ALG13: variants seen among roughly 807,000 people sequenced by gnomAD.
ALG13 encodes the protein ALG13 UDP-N-acetylglucosaminyltransferase subunit.
A neutral mutation model predicts 87.8 loss-of-function variants in ALG13; 11 were observed. The ratio of observed to expected loss-of-function variants is 0.13; its 90% CI spans 0.08 to 0.21. ALG13 has a LOEUF of 0.21. Ranked by LOEUF, ALG13 falls within the 10% of genes least tolerant of loss-of-function variation. ALG13 has a pLI of 1.00. For missense variants in ALG13, 756 were observed against 866.1 expected, an observed-to-expected ratio of 0.87 and a Z score of 1.60; for synonymous variants, 320 against 306.3, an observed-to-expected ratio of 1.04 and a Z score of -0.47.
intron 3 of ALG13, among the ~76,000 whole-genome samples, chrX:111,693,487 C>G (rs1290270303): frequency 9.1e-6 from 1 of 110,473 alleles, no homozygotes; most frequent in African/African-American, 3.3e-5. Flanking sequence ...CTCAAGCGAT[C>G]CACCCACCTC....
intron 23 of ALG13, 28 bp downstream of exon 23, chrX:111,736,907 G>C (rs1323578228): frequency 1.7e-6 from 2 of 1,162,392 alleles, no homozygotes; most frequent in East Asian, 3.1e-5. Context: ...GCTTACTTTG[G>C]AAGCCTCTTT....
chrX:111,708,528 G>A (rs1393384832), intron 4 of ALG13, 135 bp downstream of exon 4: 14 of 760,134 alleles, frequency 1.8e-5, no homozygotes, highest in South Asian at 5.5e-5. Flanking sequence ...AGGTCCTAGA[G>A]AGAAGCTGCC....
intron 6 of ALG13, 36 bp from the exon 7 acceptor site, chrX:111,712,448 A>C: frequency 9.5e-7 from 1 of 1,050,482 alleles, no homozygotes; most frequent in Non-Finnish European, 1.3e-6. Flanking sequence ...TAGCTACAGA[A>C]TGTTTTTTAA....
At chrX:111,681,971 G>T in intron 1 of ALG13, 161 bp from the exon 2 acceptor site, 1 of 864,110 alleles carries the variant, frequency 1.2e-6, no homozygotes, top group South Asian at 4.4e-5. Flanking sequence ...TCGGGCCCCG[G>T]ACCAGAAAAT....
chrX:111,757,932 G>C (rs903719547), intron 26 of ALG13, among the ~76,000 whole-genome samples, 170 bp downstream of exon 26: 3 of 111,603 alleles, frequency 2.7e-5, no homozygotes, highest in Non-Finnish European at 5.6e-5. Flanking sequence ...GATTCATGAG[G>C]TCAGAAGTGT....
Position 111,715,784 on chromosome X carries a change from A to G in ALG13, c.1006-2062A>G, listed in dbSNP as rs550085132. 5.3e-5 allele frequency among the ~76,000 whole-genome samples: 6 copies of G among 112,535 alleles called. No individual in the cohort carries two copies. In the South Asian group the frequency reaches 2.2e-3, roughly 41 times the overall value. ...CATTATTAATGAGCCTTCTAAAAAT[A>G]TTTTAGAACAAACTTTCATAGAAAT... On this transcript the variant is annotated intron_variant, in intron 8 of 26. Transcript: ENST00000394780.
At chrX:111,757,844 A>C in intron 26 of ALG13, 82 bp downstream of exon 26, 13 of 939,183 alleles carry the variant, frequency 1.4e-5, no homozygotes, top group Non-Finnish European at 1.9e-5. Context: ...CATATATTTC[A>C]TCAGGTCCAT....
intron 24 of ALG13, among the ~76,000 whole-genome samples, chrX:111,745,438 G>A (rs1944149102): frequency 9.0e-6 from 1 of 110,615 alleles, no homozygotes; most frequent in African/African-American, 3.3e-5. Context: ...ACTCAGTTTG[G>A]CATATTTCTC....
intron 24 of ALG13, among the ~76,000 whole-genome samples, chrX:111,749,032 G>C (rs761142159): frequency 1.8e-5 from 2 of 110,842 alleles, no homozygotes; most frequent in East Asian, 2.8e-4. Context: ...GTACTGAGCC[G>C]AGATCATGCC....
chrX:111,745,193 T>G (rs1256634782), intron 24 of ALG13, among the ~76,000 whole-genome samples: 1 of 111,725 alleles, frequency 9.0e-6, no homozygotes, highest in Non-Finnish European at 1.9e-5. Flanking sequence ...CAAATGAATA[T>G]CTTTGCTTTT....
At chrX:111,711,319 G>A (rs1227807288) in intron 5 of ALG13, among the ~76,000 whole-genome samples, 1 of 112,047 alleles carries the variant, frequency 8.9e-6, no homozygotes, top group Non-Finnish European at 1.9e-5. Context: ...GTTTAATTTT[G>A]TAAATGCATG....
Position 111,736,231 on chromosome X carries a change from A to C in ALG13, c.2530-483A>C, listed in dbSNP as rs756228519. 1.1e-3 allele frequency among the ~76,000 whole-genome samples: 120 copies of C among 111,738 alleles called. 1 individual carries two copies. The South Asian group carries it at 0.018, about 16-fold the overall frequency. On this transcript the variant is annotated intron_variant, in intron 22 of 26. Transcript: ENST00000394780. ...AGGTGGGAGAATCACTTGAGCCTGGAAAGTTGAGGCTACAGTGAATGAAAT... is the reference window on the plus strand; with the variant it reads ...AGGTGGGAGAATCACTTGAGCCTGGCAAGTTGAGGCTACAGTGAATGAAAT...
At chrX:111,710,936 A>G (rs1939674187) in intron 5 of ALG13, 1 of 111,930 alleles carries the variant, frequency 8.9e-6, no homozygotes, top group Non-Finnish European at 1.9e-5. Flanking sequence ...TGACCTCATG[A>G]TCTGCCTGCC....
chrX:111,692,230 A>G (rs1936269204), intron 3 of ALG13, among the ~76,000 whole-genome samples: 1 of 111,924 alleles, frequency 8.9e-6, no homozygotes, highest in Non-Finnish European at 1.9e-5. Flanking sequence ...CCAAGCACTC[A>G]CAGCTTTATT....
At chrX:111,686,221 T>C in intron 3 of ALG13, 1 of 897,187 alleles carries the variant, frequency 1.1e-6, no homozygotes. Flanking sequence ...CCTAGTTTGA[T>C]GTTGCAAGAA....
chrX:111,711,140 A>C (rs948113282), intron 5 of ALG13: 1 of 112,703 alleles, frequency 8.9e-6, no homozygotes, highest in Non-Finnish European at 1.9e-5. Flanking sequence ...CATATTTTAC[A>C]TTCAATAAAA....
In ALG13 at chrX:111,681,316, A is replaced by G; in HGVS notation, c.81+17A>G. ...AGTCTGCAAGTGAGTGAGGGAGGCG[A>G]GCAGGCGGCGGCTTGGCTCGCCACC... On this transcript the variant is annotated intron_variant, in intron 1 of 26. Coordinates refer to ENST00000394780, the MANE Select transcript of ALG13 (RefSeq NM_001099922.3). 8.3e-7 allele frequency: 1 copy of G among 1,210,380 alleles called. No individual in the cohort carries two copies. The highest frequency in any genetic ancestry group is 1.1e-6 in the Non-Finnish European group (1 of 894,816).
chrX:111,735,267 G>A, intron 22 of ALG13, 145 bp downstream of exon 22: 1 of 424,893 alleles, frequency 2.4e-6, no homozygotes. Flanking sequence ...CTGACACAGT[G>A]ATTAGTAAAT....
chrX:111,721,794 A>G, intron 12 of ALG13, 83 bp downstream of exon 12: 1 of 531,703 alleles, frequency 1.9e-6, no homozygotes, highest in East Asian at 3.8e-5. Flanking sequence ...CATCTCTTAT[A>G]AGAAATACTG....
Sources: allele counts gnomAD v4.1 joint callset (sites outside exome capture counted in the v4.1 genomes callset), GRCh38; gene constraint gnomAD v4.1.1; transcripts MANE v1.5; gene names NCBI Gene and HGNC (gene_info 2026-07-23, HGNC 2026-07-21).